The following SREBF2 variants were observed in gnomAD, a reference collection of about 807,000 sequenced individuals.
SREBF2 encodes the protein sterol regulatory element binding transcription factor 2.
SREBF2 carries 55 observed loss-of-function variants against 113.1 expected under a neutral mutation model. That is an observed-to-expected ratio of 0.49 (90% CI 0.39 to 0.61). The LOEUF (loss-of-function observed/expected upper bound fraction) is 0.61. Among genes scored for constraint, SREBF2 ranks in the 20% least tolerant of loss-of-function variants. SREBF2 has a pLI of 0.00. For missense variants in SREBF2, 1,349 were observed against 1,487.4 expected (o/e 0.91, Z 1.53); for synonymous variants, 593 against 605.7 (o/e 0.98, Z 0.31).
intron 8 of SREBF2, among the ~76,000 whole-genome samples, 180 bp from the exon 9 acceptor site, chr22:41,877,762 C>G (rs974861868): frequency 6.6e-6 from 1 of 152,156 alleles, no homozygotes; most frequent in Non-Finnish European, 1.5e-5. Context: ...TTTTATGGCA[C>G]TCAGCTCCAT....
chr22:41,904,890 C>T lies in SREBF2; in HGVS notation c.3121C>T (p.Leu1041=), dbSNP rs1348272285. The part of the protein sequence containing the change: ...KVFLHEATVR[L]MAGASPTRTH... The stretch of plus-strand genomic sequence containing the variant: ...GTTCCTGCATGAAGCCACCGTGCGC[C>T]TGATGGCAGGAGCCAGCCCCACCCG... Residue 1041 remains leucine (L), a synonymous_variant, in exon 18 of 19, where the codon CTG becomes TTG. Transcript: ENST00000361204. 2 of 1,603,594 alleles carry T rather than the reference C, an allele frequency of 1.2e-6. No individual in the cohort carries two copies. Among genetic ancestry groups the T allele is most frequent in the South Asian group, 1.1e-5 (1 of 89,470 alleles).
At chr22:41,853,441 A>G (rs967285900) in intron 1 of SREBF2, among the ~76,000 whole-genome samples, 1 of 152,084 alleles carries the variant, frequency 6.6e-6, no homozygotes, top group African/African-American at 2.4e-5. Flanking sequence ...TGATTTTGTC[A>G]TGTTCCCTGT....
At chr22:41,835,614 C>T (rs2076765811) in intron 1 of SREBF2, among the ~76,000 whole-genome samples, 1 of 150,848 alleles carries the variant, frequency 6.6e-6, no homozygotes, top group Admixed American at 6.6e-5. Context: ...CTGGCCGAGC[C>T]ACCGTGCCTG....
chr22:41,905,229 G>A (rs1602356222), intron 18 of SREBF2, among the ~76,000 whole-genome samples: 1 of 152,238 alleles, frequency 6.6e-6, no homozygotes, highest in African/African-American at 2.4e-5. Context: ...GCAGAAGCTC[G>A]AGCCAGGTCA....
At chr22:41,901,834 C>G (rs1459307962) in intron 16 of SREBF2, among the ~76,000 whole-genome samples, 1 of 152,182 alleles carries the variant, frequency 6.6e-6, no homozygotes, top group Non-Finnish European at 1.5e-5. Flanking sequence ...CTTGCAGCCA[C>G]CCTTTGGACT....
chr22:41,893,336 C>T lies in SREBF2; in HGVS notation c.2377+51C>T, dbSNP rs569662766. 106 of 1,597,546 alleles carry T rather than the reference C, an allele frequency of 6.6e-5. 1 individual carries two copies. In the South Asian group the frequency reaches 1.0e-3, roughly 15 times the overall value. ...AATTGGAGAAAGCCATGCAAACCGC[C>T]GGTACTACAGAGTCACTGCACCAGA... On this transcript the variant is annotated intron_variant, in intron 12 of 18. Transcript: ENST00000361204.
At chr22:41,892,521 G>A (rs373824763) in intron 11 of SREBF2, among the ~76,000 whole-genome samples, 13 of 151,812 alleles carry the variant, frequency 8.6e-5, no homozygotes, top group African/African-American at 2.7e-4. Context: ...GGTGGCGCGC[G>A]CCTGTAGTCC....
In SREBF2 at chr22:41,875,381, A is replaced by G. The variant is rs777193300; in HGVS notation, c.1134A>G (p.Lys378=). The stretch of plus-strand genomic sequence containing the variant: ...TGAGGAAGGCCATTGATTACATCAA[A>G]TACTTGCAGCAGGTCAATCATAAAC... ...GVLRKAIDYI[K]YLQQVNHKLR... The change falls in exon 6 of 19, where the codon AAA becomes AAG. Residue 378 remains lysine (K), a synonymous_variant. Coordinates refer to ENST00000361204, the MANE Select transcript of SREBF2 (RefSeq NM_004599.4). The G allele has an allele frequency of 1.2e-6, 2 of 1,614,172 alleles. No individual in the cohort carries two copies. The highest frequency in any genetic ancestry group is 1.7e-6 in the Non-Finnish European group (2 of 1,179,986).
chr22:41,864,259 T>TACACACACACAC (rs1388382956), intron 1 of SREBF2, among the ~76,000 whole-genome samples: 1 of 65,264 alleles, frequency 1.5e-5, no homozygotes, highest in Non-Finnish European at 3.0e-5. Flanking sequence ...TATATATATA[T>TACACACACACAC]ATACACACAC....
At chr22:41,847,223 C>A (rs1322183565) in intron 1 of SREBF2, among the ~76,000 whole-genome samples, 1 of 152,088 alleles carries the variant, frequency 6.6e-6, no homozygotes, top group African/African-American at 2.4e-5. Context: ...TAGACTCTGC[C>A]CCCAGGAGGA....
At chr22:41,850,329 G>A (rs1348540372) in intron 1 of SREBF2, among the ~76,000 whole-genome samples, 1 of 151,500 alleles carries the variant, frequency 6.6e-6, no homozygotes, top group Non-Finnish European at 1.5e-5. Flanking sequence ...GGCACCTGTA[G>A]TCCCAGCTAC....
chr22:41,840,642 G>A (rs992565311), intron 1 of SREBF2, among the ~76,000 whole-genome samples: 39 of 152,184 alleles, frequency 2.6e-4, no homozygotes, highest in African/African-American at 9.2e-4. Context: ...AATTTTGAAG[G>A]CATTGTCTGA....
At chr22:41,849,022 T>C (rs934147432) in intron 1 of SREBF2, among the ~76,000 whole-genome samples, 2 of 152,152 alleles carry the variant, frequency 1.3e-5, no homozygotes, top group Admixed American at 1.3e-4. Flanking sequence ...AAATCATGTT[T>C]AAACTTTGTA....
At chr22:41,865,146 AACACACACAC>A (rs133284) in intron 1 of SREBF2, among the ~76,000 whole-genome samples, 1 of 149,588 alleles carries the variant, frequency 6.7e-6, no homozygotes, top group Non-Finnish European at 1.5e-5. Context: ...TCCCCCAAAA[AACACACACAC>A]ACACACACAC....
intron 4 of SREBF2, among the ~76,000 whole-genome samples, chr22:41,872,249 CA>C (rs57889677): frequency 0.41 from 46,125 of 113,094 alleles, 7,925 homozygotes; most frequent in Admixed American, 0.57. Flanking sequence ...ATCTCCGTCT[CA>C]AAAAAAAAAA....
At chr22:41,896,957 T>C (rs936015634) in intron 13 of SREBF2, 95 bp from the exon 14 acceptor site, 8 of 834,098 alleles carry the variant, frequency 9.6e-6, no homozygotes, top group African/African-American at 5.1e-5. Context: ...GAAATGGCCA[T>C]TGGGTCTTAG....
intron 1 of SREBF2, among the ~76,000 whole-genome samples, chr22:41,861,467 G>A (rs2077026783): frequency 6.6e-6 from 1 of 151,632 alleles, no homozygotes; most frequent in African/African-American, 2.4e-5. Flanking sequence ...CTGCACTCTA[G>A]CCTGGGCAAC....
intron 11 of SREBF2, among the ~76,000 whole-genome samples, chr22:41,887,889 C>G (rs1434659725): frequency 6.6e-6 from 1 of 152,088 alleles, no homozygotes; most frequent in Non-Finnish European, 1.5e-5. Flanking sequence ...TTTGTACTTC[C>G]CAGGTGATTA....
chr22:41,881,707 G>T (rs2077247319), intron 10 of SREBF2, among the ~76,000 whole-genome samples: 1 of 152,186 alleles, frequency 6.6e-6, no homozygotes, highest in Non-Finnish European at 1.5e-5. Context: ...ATCTTGTAGT[G>T]TATCAGTAGG....
Sources: gnomAD v4.1 joint callset for allele counts (sites outside exome capture counted in the v4.1 genomes callset) on GRCh38, gnomAD v4.1.1 for gene constraint, MANE v1.5 for transcripts, NCBI Gene and HGNC (gene_info 2026-07-23, HGNC 2026-07-21) for gene names.